The following TSNARE1 variants were observed in gnomAD, a reference collection of about 807,000 sequenced individuals.
The protein encoded by TSNARE1 is t-SNARE domain-containing protein 1.
Under a neutral mutation model 62.0 loss-of-function variants are expected in TSNARE1, and 49 were observed. The ratio of observed to expected loss-of-function variants is 0.79; its 90% CI spans 0.63 to 1.00. The LOEUF (loss-of-function observed/expected upper bound fraction) is 1.00, where lower values mean the gene tolerates loss of function less well. TSNARE1 is among the 50% of genes least tolerant of loss of function. The probability of loss-of-function intolerance (pLI) is 0.00; values close to 1 mark genes in which losing one functional copy is unlikely to be tolerated. For synonymous variants in TSNARE1, 328 were observed against 294.4 expected (o/e 1.11, Z -1.17); for missense variants, 755 against 700.1 (o/e 1.08, Z -0.88).
intron 1 of TSNARE1, among the ~76,000 whole-genome samples, chr8:142,397,429 C>T (rs531123044): frequency 6.6e-6 from 1 of 152,314 alleles, no homozygotes; most frequent in Admixed American, 6.5e-5. Context: ...CAGGAGGCTG[C>T]AGGATCAGAC....
intron 9 of TSNARE1, among the ~76,000 whole-genome samples, chr8:142,312,718 A>C (rs1413469660): frequency 1.3e-5 from 2 of 151,706 alleles, no homozygotes; most frequent in Non-Finnish European, 2.9e-5. Context: ...CCTCAAGGGG[A>C]AAACGGACCG....
At chr8:142,398,547 C>T (rs1214925234) in intron 1 of TSNARE1, among the ~76,000 whole-genome samples, 4 of 152,164 alleles carry the variant, frequency 2.6e-5, no homozygotes, top group Non-Finnish European at 5.9e-5. Flanking sequence ...CCGCCTCAAC[C>T]TTGCTCTGTA....
intron 12 of TSNARE1, among the ~76,000 whole-genome samples, chr8:142,229,848 G>A (rs755814343): frequency 8.7e-4 from 132 of 152,326 alleles, no homozygotes; most frequent in Non-Finnish European, 1.6e-3. Flanking sequence ...AGCCAGGCAT[G>A]GGTGTGATTC....
intron 9 of TSNARE1, among the ~76,000 whole-genome samples, chr8:142,307,097 T>G (rs1826821265): frequency 6.6e-6 from 1 of 152,210 alleles, no homozygotes; most frequent in Non-Finnish European, 1.5e-5. Context: ...GGACTCAGCG[T>G]TATGTCCGAG....
chr8:142,261,984 G>T (rs1818916841), intron 12 of TSNARE1, among the ~76,000 whole-genome samples: 2 of 152,212 alleles, frequency 1.3e-5, no homozygotes, highest in Non-Finnish European at 1.5e-5. Context: ...GGGCCAGCCT[G>T]CTCCCAGCCC....
At chr8:142,281,313 G>A (rs1041805346) in intron 11 of TSNARE1, among the ~76,000 whole-genome samples, 1 of 152,150 alleles carries the variant, frequency 6.6e-6, no homozygotes, top group Admixed American at 6.5e-5. Flanking sequence ...TGGCCTGGGA[G>A]CCAGGGCTCC....
At chr8:142,285,107 G>A (rs1396558108) in intron 10 of TSNARE1, among the ~76,000 whole-genome samples, 2 of 152,148 alleles carry the variant, frequency 1.3e-5, no homozygotes, top group Non-Finnish European at 2.9e-5. Flanking sequence ...ACAGATGCGT[G>A]AATAGGTGGG....
rs1168096581 is a variant in TSNARE1, at chr8:142,344,047, T to A, written c.664A>T (p.Thr222Ser). The A allele has an allele frequency of 2.5e-6, 4 of 1,591,900 alleles. No individual in the cohort carries two copies. In the South Asian group the frequency reaches 4.5e-5, roughly 18 times the overall value. The change falls in exon 4 of 14, where the codon ACG (threonine) becomes TCG (serine). Residue 222 changes from threonine to serine, a missense_variant. Physicochemically the swap from Thr to Ser is moderately conservative, Grantham distance 58. Coordinates refer to ENST00000524325, the MANE Select transcript of TSNARE1 (RefSeq NM_145003.5). ...GSGKPQALAL[T>S]PVEQVVAKTF... ...TTGGCCACCACCTGCTCCACGGGCGTGAGAGCCAGGGCCTGGGGCTTGCCG... is the reference window on the plus strand; with the variant it reads ...TTGGCCACCACCTGCTCCACGGGCGAGAGAGCCAGGGCCTGGGGCTTGCCG...
Position 142,394,079 on chromosome 8 carries a change from C to T in TSNARE1, c.-40+9025G>A, listed in dbSNP as rs1837730051. ...TCTGCCCACGCTGGCTGCCCGTCTT[C>T]ACTCCTTGCTGGGCTGGGAGGCCCT... is the stretch of plus-strand genomic sequence containing the variant. On this transcript the variant is annotated intron_variant, in intron 1 of 13. Coordinates refer to ENST00000524325, the MANE Select transcript of TSNARE1 (RefSeq NM_145003.5). 1.3e-5 allele frequency among the ~76,000 whole-genome samples: 2 copies of T among 152,368 alleles called. 1 individual carries two copies. Among genetic ancestry groups the T allele is most frequent in the Middle Eastern group, 6.8e-3 (2 of 294 alleles).
chr8:142,275,953 ATC>A (rs1820408559), intron 11 of TSNARE1: 1 of 985,218 alleles, frequency 1.0e-6, no homozygotes, highest in South Asian at 4.7e-5. Flanking sequence ...CTGTGGCCCC[ATC>A]TCTGCAAGCC....
chr8:142,229,757 T>C (rs1178717392), intron 12 of TSNARE1, among the ~76,000 whole-genome samples, 178 bp from the exon 13 acceptor site: 2 of 152,172 alleles, frequency 1.3e-5, no homozygotes, highest in Non-Finnish European at 2.9e-5. Flanking sequence ...CATGACTGTT[T>C]ATTGAATAAC....
chr8:142,227,313 G>GCA (rs1816869684), intron 13 of TSNARE1, among the ~76,000 whole-genome samples: 1 of 124,114 alleles, frequency 8.1e-6, no homozygotes, highest in African/African-American at 5.4e-5. Flanking sequence ...CCCCCTTCCT[G>GCA]CCCACAACTC....
chr8:142,366,232 T>A (rs1835540638), intron 1 of TSNARE1, among the ~76,000 whole-genome samples: 2 of 152,082 alleles, frequency 1.3e-5, no homozygotes, highest in Non-Finnish European at 2.9e-5. Flanking sequence ...GAGATGGGGT[T>A]TCACCATGTT....
chr8:142,273,597 G>A (rs916974428), intron 12 of TSNARE1: 3 of 985,370 alleles, frequency 3.0e-6, no homozygotes, highest in Non-Finnish European at 3.6e-6. Context: ...GCTGTCAACA[G>A]GGACTGACCC....
At chr8:142,315,257 C>T (rs983668340) in intron 7 of TSNARE1, among the ~76,000 whole-genome samples, 165 bp from the exon 8 acceptor site, 2 of 152,202 alleles carry the variant, frequency 1.3e-5, no homozygotes. Context: ...CACAGGCACA[C>T]CCAGGGTCCC....
intron 2 of TSNARE1, among the ~76,000 whole-genome samples, chr8:142,350,355 AT>A (rs1833948593): frequency 6.6e-6 from 1 of 152,244 alleles, no homozygotes; most frequent in African/African-American, 2.4e-5. Flanking sequence ...GAACATTTAG[AT>A]AAAACAGTCG....
chr8:142,280,182 G>A lies in TSNARE1; in HGVS notation c.1363+4231C>T. On this transcript the variant is annotated intron_variant, in intron 11 of 13. Coordinates refer to ENST00000524325, the MANE Select transcript of TSNARE1 (RefSeq NM_145003.5). ...CCAGCACCTCCGTCTCCTGGGGGCT[G>A]AAGTTGGGCTTGCGTGTCTTGGTGC... 3.0e-6 allele frequency: 3 copies of A among 985,450 alleles called. No individual in the cohort carries two copies. The East Asian group carries it at 3.4e-4, about 112-fold the overall frequency. 61.0% of individuals were successfully genotyped at this position (985,450 alleles called of 1,614,324 possible). A position where few individuals can be genotyped will look rare whatever the true frequency, so the allele number is the denominator to read the frequency against.
In TSNARE1 at chr8:142,318,026, C is replaced by T. The variant is rs927612400; in HGVS notation, c.984+518G>A. 5.3e-5 allele frequency among the ~76,000 whole-genome samples: 8 copies of T among 151,972 alleles called. No individual in the cohort carries two copies. In the East Asian group the frequency reaches 5.8e-4, roughly 11 times the overall value. On this transcript the variant is annotated intron_variant, in intron 7 of 13. Coordinates refer to ENST00000524325, the MANE Select transcript of TSNARE1 (RefSeq NM_145003.5). ...CAGCCCTGGGGCAGCTGAGCCGGAA[C>T]GGTAGTGATGGCTGTGGCAGTGGGT...
intron 12 of TSNARE1, among the ~76,000 whole-genome samples, chr8:142,266,918 T>C (rs1032161120): frequency 6.6e-6 from 1 of 152,258 alleles, no homozygotes; most frequent in Non-Finnish European, 1.5e-5. Flanking sequence ...TCTTCGAGTT[T>C]GCTATTACTA....
Sources: allele counts gnomAD v4.1 joint callset (sites outside exome capture counted in the v4.1 genomes callset), GRCh38; gene constraint gnomAD v4.1.1; transcripts MANE v1.5; gene names NCBI Gene and HGNC (gene_info 2026-07-23, HGNC 2026-07-21).